The following NRXN3 variants were observed in gnomAD, a reference collection of about 807,000 sequenced individuals.
The protein encoded by NRXN3 is neurexin III.
A neutral mutation model predicts 137.6 loss-of-function variants in NRXN3; 32 were observed. That is an observed-to-expected ratio of 0.23 (90% CI 0.18 to 0.31). The LOEUF (loss-of-function observed/expected upper bound fraction) is 0.31, where lower values mean the gene tolerates loss of function less well. Ranked by LOEUF, NRXN3 falls within the 10% of genes least tolerant of loss-of-function variation. The probability of loss-of-function intolerance (pLI) is 1.00; values close to 1 mark genes in which losing one functional copy is unlikely to be tolerated. For synonymous variants in NRXN3, 798 were observed against 784.5 expected (o/e 1.02, Z -0.29); for missense variants, 1,574 against 2,062.5 (o/e 0.76, Z 4.59).
intron 16 of NRXN3, among the ~76,000 whole-genome samples, chr14:79,518,850 GT>G (rs1262114387): frequency 6.6e-6 from 1 of 152,004 alleles, no homozygotes; most frequent in Non-Finnish European, 1.5e-5. Flanking sequence ...CATCCCTATG[GT>G]TTCTTAACAC....
chr14:79,235,001 A>G (rs138548098), intron 15 of NRXN3, among the ~76,000 whole-genome samples: 1 of 152,268 alleles, frequency 6.6e-6, no homozygotes. Context: ...GTCTTAAAAT[A>G]CTATTTTAAA....
intron 20 of NRXN3, chr14:79,853,831 G>A: frequency 1.0e-6 from 1 of 982,658 alleles, no homozygotes; most frequent in Non-Finnish European, 1.2e-6. Context: ...ACCCGTTAGA[G>A]TCATAGAATT....
At chr14:78,305,665 CTGTGTATGCAAAT>C (rs1423219420) in intron 4 of NRXN3, among the ~76,000 whole-genome samples, 3 of 152,160 alleles carry the variant, frequency 2.0e-5, no homozygotes, top group Non-Finnish European at 4.4e-5. Flanking sequence ...TGATAGCCAA[CTGTGTATGCAAAT>C]TCCTTTACTA....
At chr14:79,583,313 C>T (rs376248484) in intron 16 of NRXN3, among the ~76,000 whole-genome samples, 179 of 152,274 alleles carry the variant, frequency 1.2e-3, no homozygotes, top group African/African-American at 4.2e-3. Flanking sequence ...GCCCTTAAGA[C>T]ACTGCCTGGG....
chr14:79,037,318 A>G (rs889950699), intron 15 of NRXN3, among the ~76,000 whole-genome samples: 1 of 152,088 alleles, frequency 6.6e-6, no homozygotes, highest in Non-Finnish European at 1.5e-5. Flanking sequence ...TCTCAGCTAC[A>G]AGACCTGCTT....
chr14:78,734,338 A>G lies in NRXN3; in HGVS notation c.2044+19199A>G, dbSNP rs569496570. The stretch of plus-strand genomic sequence containing the variant: ...TTGGATGCAAGATGAAAAGAAAGTC[A>G]TTTTATCCAAAGGGATGTTATTTCA... On this transcript the variant is annotated intron_variant, in intron 8 of 20. Coordinates refer to ENST00000335750, the MANE Select transcript of NRXN3 (RefSeq NM_001330195.2). Among the ~76,000 whole-genome samples the G allele has an allele frequency of 2.0e-5, 3 of 152,072 alleles. No homozygotes were observed. In the South Asian group the frequency reaches 6.2e-4, roughly 32 times the overall value.
intron 1 of NRXN3, among the ~76,000 whole-genome samples, chr14:78,217,634 A>C (rs1260949266): frequency 6.6e-6 from 1 of 152,198 alleles, no homozygotes; most frequent in Admixed American, 6.5e-5. Flanking sequence ...TGTATTGTGC[A>C]TGAGTATTCT....
At chr14:79,659,970 T>C (rs565158851) in intron 16 of NRXN3, among the ~76,000 whole-genome samples, 1 of 152,312 alleles carries the variant, frequency 6.6e-6, no homozygotes, top group Admixed American at 6.5e-5. Flanking sequence ...AGTACCATCA[T>C]GTTCATCATA....
At chr14:79,185,828 A>G (rs569833012) in intron 15 of NRXN3, among the ~76,000 whole-genome samples, 52 of 152,290 alleles carry the variant, frequency 3.4e-4, no homozygotes, top group African/African-American at 1.2e-3. Flanking sequence ...TATTTTATAT[A>G]TGAGGATACT....
At chr14:79,677,845 A>T (rs899877098) in intron 17 of NRXN3, among the ~76,000 whole-genome samples, 4 of 152,142 alleles carry the variant, frequency 2.6e-5, no homozygotes, top group African/African-American at 9.6e-5. Context: ...CAGTAGTTGT[A>T]TGTAATTCTT....
At chr14:79,395,905 T>A (rs571029858) in intron 15 of NRXN3, among the ~76,000 whole-genome samples, 1 of 152,294 alleles carries the variant, frequency 6.6e-6, no homozygotes, top group South Asian at 2.1e-4. Context: ...TTTGGTTGTT[T>A]CTGGCAATAA....
chr14:79,820,696 C>T (rs951848141), intron 20 of NRXN3, among the ~76,000 whole-genome samples: 5 of 26,274 alleles, frequency 1.9e-4, no homozygotes, highest in Non-Finnish European at 3.9e-4. Flanking sequence ...CATTGTCTGT[C>T]GTTTCCTTGT....
At chr14:79,260,107 C>T (rs971590765) in intron 15 of NRXN3, among the ~76,000 whole-genome samples, 2 of 152,086 alleles carry the variant, frequency 1.3e-5, no homozygotes, top group Non-Finnish European at 2.9e-5. Context: ...CTATTTCATA[C>T]TTGTCTAATA....
intron 15 of NRXN3, among the ~76,000 whole-genome samples, chr14:79,111,697 C>T (rs1406392000): frequency 2.0e-5 from 3 of 149,152 alleles, no homozygotes; most frequent in African/African-American, 5.0e-5. Context: ...GAGATCGCAC[C>T]GTGGCACTCC....
At chr14:78,281,030 T>C (rs1364305496) in intron 3 of NRXN3, among the ~76,000 whole-genome samples, 2 of 152,228 alleles carry the variant, frequency 1.3e-5, no homozygotes, top group African/African-American at 2.4e-5. Flanking sequence ...ATTTCAGATC[T>C]TGTGCTCTTC....
At chr14:78,257,428 G>T (rs1432940433) in intron 2 of NRXN3, among the ~76,000 whole-genome samples, 2 of 152,246 alleles carry the variant, frequency 1.3e-5, no homozygotes, top group Non-Finnish European at 2.9e-5. Flanking sequence ...TGCTCTAATA[G>T]CAGGTAGAAT....
intron 20 of NRXN3, among the ~76,000 whole-genome samples, chr14:79,846,590 C>A (rs1043945665): frequency 6.6e-6 from 1 of 152,154 alleles, no homozygotes; most frequent in African/African-American, 2.4e-5. Flanking sequence ...ATGTTTAGAT[C>A]TGGAAGGACT....
At chr14:78,298,730 C>T (rs1159270792) in intron 4 of NRXN3, among the ~76,000 whole-genome samples, 2 of 152,198 alleles carry the variant, frequency 1.3e-5, no homozygotes, top group African/African-American at 2.4e-5. Flanking sequence ...GTCTACCTGC[C>T]TTGCCCTGTA....
At chr14:79,042,356 A>G (rs10146180) in intron 15 of NRXN3, among the ~76,000 whole-genome samples, 59,994 of 152,074 alleles carry the variant, frequency 0.39, 12,473 homozygotes, top group Admixed American at 0.49. Context: ...AAGGATAAAA[A>G]ACATTGCATT....
Sources: allele counts gnomAD v4.1 joint callset (sites outside exome capture counted in the v4.1 genomes callset), GRCh38; gene constraint gnomAD v4.1.1; transcripts MANE v1.5; gene names NCBI Gene and HGNC (gene_info 2026-07-23, HGNC 2026-07-21).